Variants in KCNQ4 observed in about 807,000 individuals in gnomAD.
The protein encoded by KCNQ4 is potassium voltage-gated channel subfamily KQT member 4.
KCNQ4 carries 31 observed loss-of-function variants against 72.6 expected under a neutral mutation model. That is an observed-to-expected ratio of 0.43 (90% confidence interval 0.32 to 0.58). The LOEUF is 0.58. Among genes scored for constraint, KCNQ4 ranks in the 20% least tolerant of loss-of-function variants. The pLI, the probability that KCNQ4 is intolerant of heterozygous loss-of-function variation, is 0.08. For synonymous variants in KCNQ4, 405 were observed against 403.7 expected (o/e 1.00, Z -0.04); for missense variants, 869 against 962.6 (o/e 0.90, Z 1.29).
chr1:40,800,310 G>T (rs1407122956), intron 1 of KCNQ4, among the ~76,000 whole-genome samples: 2 of 152,174 alleles, frequency 1.3e-5, no homozygotes, highest in Non-Finnish European at 2.9e-5. Context: ...TCCCTTCCCT[G>T]CTGGATTCCA....
chr1:40,784,169 C>G lies in KCNQ4; in HGVS notation c.76C>G (p.Leu26Val). The G allele has an allele frequency of 9.0e-7, 1 of 1,114,068 alleles. No individual in the cohort carries two copies. The allele number at this position is 1,114,068 out of a possible 1,614,324, so 69.0% of individuals were successfully genotyped here. The part of the protein sequence containing the change: ...GDAPRAELVA[L>V]TAVQSEQGEA... Reference sequence around the variant, plus strand: ...CGCCCCCCGCGCGGAGCTAGTGGCGCTCACGGCCGTGCAGAGCGAACAGGG... The same window carrying G: ...CGCCCCCCGCGCGGAGCTAGTGGCGGTCACGGCCGTGCAGAGCGAACAGGG... The change falls in exon 1 of 14, where the codon CTC becomes GTC. Residue 26 changes from leucine (L) to valine (V), a missense_variant. This residue lies in a region of KCNQ4 where 178 missense variants were observed against 145.3 expected (regional missense o/e 1.22). Coordinates refer to ENST00000347132, the MANE Select transcript of KCNQ4 (RefSeq NM_004700.4). The surrounding 1 kb of genome is among the most constrained non-coding windows in gnomAD (Gnocchi z 4.1).
At chr1:40,813,685 AG>A (rs1252502908) in intron 1 of KCNQ4, among the ~76,000 whole-genome samples, 2 of 152,192 alleles carry the variant, frequency 1.3e-5, no homozygotes, top group Admixed American at 6.5e-5. Context: ...GCTAAATGGC[AG>A]AGGCGACTGT....
intron 7 of KCNQ4, among the ~76,000 whole-genome samples, chr1:40,822,080 A>G (rs1449436483): frequency 3.3e-5 from 5 of 152,310 alleles, no homozygotes; most frequent in South Asian, 2.1e-4. Context: ...CTTAACCTCT[A>G]TGCTCTATGG....
chr1:40,799,955 G>A (rs770620357), intron 1 of KCNQ4, among the ~76,000 whole-genome samples: 24 of 152,150 alleles, frequency 1.6e-4, no homozygotes, highest in Non-Finnish European at 2.6e-4. Context: ...GTGGAGTCAC[G>A]GGTTGGGGCC....
intron 1 of KCNQ4, among the ~76,000 whole-genome samples, chr1:40,795,882 G>A (rs548992576): frequency 6.6e-6 from 1 of 152,314 alleles, no homozygotes; most frequent in East Asian, 1.9e-4. Flanking sequence ...AAGATTCATA[G>A]TCTAATCTCT....
intron 1 of KCNQ4, among the ~76,000 whole-genome samples, chr1:40,799,387 T>C (rs1353027511): frequency 6.6e-6 from 1 of 151,948 alleles, no homozygotes; most frequent in Admixed American, 6.5e-5. Flanking sequence ...CACCCCTTCC[T>C]GGAAAAATTT....
intron 1 of KCNQ4, among the ~76,000 whole-genome samples, chr1:40,789,923 C>T (rs1444938415): frequency 6.6e-6 from 1 of 152,188 alleles, no homozygotes; most frequent in Non-Finnish European, 1.5e-5. Flanking sequence ...CAGACTCCCT[C>T]CTACCTCCCT....
intron 1 of KCNQ4, among the ~76,000 whole-genome samples, chr1:40,785,040 GGC>G (rs1408019475): frequency 2.0e-5 from 3 of 152,168 alleles, no homozygotes; most frequent in Admixed American, 1.3e-4. Context: ...CAGTGGCAAC[GGC>G]GGCCGCCCTG....
At chr1:40,825,817 G>A (rs907712893) in intron 9 of KCNQ4, among the ~76,000 whole-genome samples, 8 of 152,306 alleles carry the variant, frequency 5.3e-5, no homozygotes, top group Admixed American at 2.0e-4. Flanking sequence ...TGAATAGGAA[G>A]GCAAGGGGAA....
In KCNQ4 at chr1:40,799,860, G is replaced by A. The variant is rs559391646; in HGVS notation, c.314+15453G>A. Among the ~76,000 whole-genome samples the A allele has an allele frequency of 8.5e-5, 13 of 152,298 alleles. No individual in the cohort carries two copies. The East Asian group carries it at 2.3e-3, about 27-fold the overall frequency. On this transcript the variant is annotated intron_variant, in intron 1 of 13. Coordinates refer to ENST00000347132, the MANE Select transcript of KCNQ4 (RefSeq NM_004700.4). ...GATCTAGATTAGAGCTTTTCAAACT[G>A]TTTCAAGTCATAGATCTGGTTCTTT...
chr1:40,804,514 C>T (rs1208144291), intron 1 of KCNQ4, among the ~76,000 whole-genome samples: 1 of 152,178 alleles, frequency 6.6e-6, no homozygotes, highest in Non-Finnish European at 1.5e-5. Flanking sequence ...CTTCCGCTTC[C>T]CCTCATACAA....
At chr1:40,808,922 C>T (rs1276934767) in intron 1 of KCNQ4, among the ~76,000 whole-genome samples, 4 of 152,214 alleles carry the variant, frequency 2.6e-5, no homozygotes, top group African/African-American at 4.8e-5. Flanking sequence ...AATTGTTAAA[C>T]CTACACTTAC....
In KCNQ4 at chr1:40,833,018, C is replaced by G. The variant is rs555800483; in HGVS notation, c.1518C>G (p.Ala506=). 1 of 1,613,254 alleles carries G rather than the reference C, an allele frequency of 6.2e-7. No individual in the cohort carries two copies. The highest frequency in any genetic ancestry group is 8.5e-7 in the Non-Finnish European group (1 of 1,179,648). Residue 506 remains alanine (A), a synonymous_variant, in exon 11 of 14, where the codon GCC becomes GCG. Transcript: ENST00000347132. ...RLKPRTSAED[A]PSEEVAEEKS... is the part of the protein sequence containing the mutation. Reference sequence around the variant, plus strand: ...GCCCCATACCTGCCTTTTCAGATGCCCCCTCAGAGGAAGTAGCAGAGGAGA... The same window carrying G: ...GCCCCATACCTGCCTTTTCAGATGCGCCCTCAGAGGAAGTAGCAGAGGAGA...
chr1:40,797,287 T>A (rs897533562), intron 1 of KCNQ4, among the ~76,000 whole-genome samples: 4 of 152,170 alleles, frequency 2.6e-5, no homozygotes, highest in African/African-American at 9.7e-5. Flanking sequence ...AGGAAGAGGC[T>A]TAAGTTGAGA....
chr1:40,833,546 C>A (rs1342694831), intron 11 of KCNQ4, among the ~76,000 whole-genome samples: 3 of 152,178 alleles, frequency 2.0e-5, no homozygotes, highest in Non-Finnish European at 4.4e-5. Flanking sequence ...TGGATCTGGC[C>A]TCCAAGCTCC....
In KCNQ4 at chr1:40,839,223, G is replaced by C. The variant is rs1021425489; in HGVS notation, c.*700G>C. 1.3e-5 allele frequency: 2 copies of C among 153,038 alleles called. No individual in the cohort carries two copies. Among genetic ancestry groups the C allele is most frequent in the Admixed American group, 6.5e-5 (1 of 15,362 alleles). 9.5% of individuals were successfully genotyped at this position (153,038 alleles called of 1,614,324 possible). ...CTGTTTCTCCCCTGCCCTCTCCTAA[G>C]GGCAATGCCTGGGCCTTTCTTCCCA... On this transcript the variant is annotated 3_prime_UTR_variant, in exon 14 of 14. Coordinates refer to ENST00000347132, the MANE Select transcript of KCNQ4 (RefSeq NM_004700.4).
rs3831140 is a variant in KCNQ4 at position 40,832,786 on chromosome 1, CAG to C, written c.1514-226_1514-225del. 0.012 allele frequency among the ~76,000 whole-genome samples: 1,869 copies of C among 152,326 alleles called. 34 individuals carry two copies. The highest frequency in any genetic ancestry group is 0.045 in the East Asian group (233 of 5,172). On this transcript the variant is annotated intron_variant, in intron 10 of 13. Coordinates refer to ENST00000347132, the MANE Select transcript of KCNQ4 (RefSeq NM_004700.4). ...AAGCAGCTCCCACCTACCCACCAGGCAGATGTTTACCCTGACTGGCCACCGGG... is the reference window on the plus strand; with the variant it reads ...AAGCAGCTCCCACCTACCCACCAGGCATGTTTACCCTGACTGGCCACCGGG...
chr1:40,787,414 G>A (rs1450412254), intron 1 of KCNQ4, among the ~76,000 whole-genome samples: 4 of 152,162 alleles, frequency 2.6e-5, no homozygotes, highest in Non-Finnish European at 4.4e-5. Flanking sequence ...GAGGGAGCTG[G>A]GGTGAGAGGA....
At chr1:40,802,694 C>T (rs962009420) in intron 1 of KCNQ4, among the ~76,000 whole-genome samples, 2 of 152,136 alleles carry the variant, frequency 1.3e-5, no homozygotes, top group Admixed American at 1.3e-4. Flanking sequence ...GAGCCCTCCC[C>T]GCAGGAACCC....
Sources: gnomAD v4.1 joint callset for allele counts (sites outside exome capture counted in the v4.1 genomes callset) on GRCh38, gnomAD v4.1.1 for gene constraint, gnomAD v4.1.1 regional missense constraint, Gnocchi (gnomAD v3.1) non-coding constraint, MANE v1.5 for transcripts, NCBI Gene and HGNC (gene_info 2026-07-23, HGNC 2026-07-21) for gene names.